The following PIBF1 variants were observed in gnomAD, a reference collection of about 807,000 sequenced individuals.
PIBF1 encodes progesterone immunomodulatory binding factor 1.
Under a neutral mutation model 112.5 loss-of-function variants are expected in PIBF1, and 90 were observed. That is an observed-to-expected ratio of 0.80 (90% CI 0.67 to 0.95). PIBF1 has a LOEUF of 0.95. Ranked by LOEUF, PIBF1 falls within the 40% of genes least tolerant of loss-of-function variation. PIBF1 has a pLI of 0.00. For synonymous variants in PIBF1, 301 were observed against 288.6 expected (o/e 1.04, Z -0.44); for missense variants, 915 against 852.3 (o/e 1.07, Z -0.92).
chr13:72,795,650 T>G, intron 4 of PIBF1, 93 bp downstream of exon 4: 1 of 758,188 alleles, frequency 1.3e-6, no homozygotes, highest in Non-Finnish European at 2.2e-6. Flanking sequence ...AAGTACCCAA[T>G]TGATACATTA....
At chr13:72,938,145 C>T (rs1246946940) in intron 14 of PIBF1, among the ~76,000 whole-genome samples, 2 of 152,200 alleles carry the variant, frequency 1.3e-5, no homozygotes, top group Non-Finnish European at 1.5e-5. Flanking sequence ...TGGAATAAGG[C>T]CAAATTAACT....
At chr13:72,971,122 A>C (rs1468818075) in intron 15 of PIBF1, among the ~76,000 whole-genome samples, 1 of 151,994 alleles carries the variant, frequency 6.6e-6, no homozygotes, top group Non-Finnish European at 1.5e-5. Context: ...TTACCTCGAC[A>C]TTCCATTCCG....
intron 14 of PIBF1, among the ~76,000 whole-genome samples, chr13:72,943,997 A>G (rs2042081230): frequency 6.6e-6 from 1 of 152,198 alleles, no homozygotes; most frequent in Admixed American, 6.6e-5. Context: ...ATCACTCGGT[A>G]AATGTAGGAT....
chr13:72,833,118 A>T (rs1164919740), intron 8 of PIBF1, among the ~76,000 whole-genome samples: 1 of 152,110 alleles, frequency 6.6e-6, no homozygotes, highest in East Asian at 1.9e-4. Flanking sequence ...CAGCTCCATC[A>T]GGTTATTTAT....
chr13:72,840,515 C>T (rs9634987), intron 9 of PIBF1, among the ~76,000 whole-genome samples: 41,595 of 150,920 alleles, frequency 0.28, 6,799 homozygotes, highest in East Asian at 0.48. Flanking sequence ...TTATCTCTCC[C>T]CCAATAAACT....
chr13:73,001,581 A>AATTTTTTTTTT (rs1491176240), intron 17 of PIBF1, among the ~76,000 whole-genome samples: 2 of 2,392 alleles, frequency 8.4e-4, no homozygotes, highest in Non-Finnish European at 2.4e-3. Flanking sequence ...TAAGAGCTTG[A>AATTTTTTTTTT]CTTTTTTTTT....
intron 9 of PIBF1, among the ~76,000 whole-genome samples, chr13:72,839,769 A>G (rs2037522693): frequency 6.6e-6 from 1 of 152,156 alleles, no homozygotes; most frequent in Non-Finnish European, 1.5e-5. Context: ...CCATTGTAAC[A>G]TAAATGTGGT....
At chr13:72,808,139 T>A (rs944265552) in intron 5 of PIBF1, among the ~76,000 whole-genome samples, 3 of 149,562 alleles carry the variant, frequency 2.0e-5, no homozygotes, top group African/African-American at 7.3e-5. Context: ...TATGGTTTTT[T>A]GTGTGGACAT....
intron 10 of PIBF1, among the ~76,000 whole-genome samples, chr13:72,889,617 G>A (rs368131261): frequency 2.0e-5 from 3 of 152,108 alleles, no homozygotes; most frequent in East Asian, 3.9e-4. Context: ...TTGTGACTTT[G>A]CTTAACTTCT....
intron 5 of PIBF1, among the ~76,000 whole-genome samples, chr13:72,815,865 A>G (rs562623980): frequency 8.6e-4 from 131 of 152,304 alleles, no homozygotes; most frequent in African/African-American, 2.9e-3. Context: ...TTCAAAAGGC[A>G]TGAGAATCCA....
intron 5 of PIBF1, among the ~76,000 whole-genome samples, chr13:72,815,721 A>C (rs1437965389): frequency 6.6e-6 from 1 of 152,172 alleles, no homozygotes; most frequent in Non-Finnish European, 1.5e-5. Flanking sequence ...GCTGGAGTGC[A>C]GTGGCATGAT....
chr13:72,965,491 A>G (rs1044725703), intron 15 of PIBF1, 87 bp downstream of exon 15: 5 of 1,069,378 alleles, frequency 4.7e-6, no homozygotes, highest in Non-Finnish European at 6.7e-6. Context: ...GTAAATCATG[A>G]ACAGAAAATT....
Position 72,835,353 on chromosome 13 carries a change from A to G in PIBF1, c.1208A>G (p.Tyr403Cys). Residue 403 changes from tyrosine (Y) to cysteine (C), a missense_variant, in exon 9 of 18, where the codon TAT (tyrosine) becomes TGT (cysteine). Physicochemically the swap from Tyr to Cys is radical, Grantham distance 194. Transcript: ENST00000326291. Reference sequence around the variant, plus strand: ...CTTCGAAATGCCTCTAGGGAAATGTATGAACGAGAAAACAGGTAAAAAAAA... The same window carrying G: ...CTTCGAAATGCCTCTAGGGAAATGTGTGAACGAGAAAACAGGTAAAAAAAA... Reference protein sequence around the residue: ...DQLRNASREMYERENRNLREA... With the variant: ...DQLRNASREMCERENRNLREA... 6.4e-7 allele frequency: 1 copy of G among 1,571,582 alleles called. No homozygotes were observed. Among genetic ancestry groups the G allele is most frequent in the Non-Finnish European group, 8.6e-7 (1 of 1,165,072 alleles).
chr13:72,975,119 G>A (rs1185357589), intron 16 of PIBF1, among the ~76,000 whole-genome samples: 1 of 148,244 alleles, frequency 6.7e-6, no homozygotes, highest in Non-Finnish European at 1.5e-5. Flanking sequence ...GCAGTGGCAT[G>A]ATCTCGGCTC....
chr13:72,962,852 G>A (rs2042642025), intron 14 of PIBF1, among the ~76,000 whole-genome samples: 1 of 152,184 alleles, frequency 6.6e-6, no homozygotes. Context: ...AAACAAAGTT[G>A]TAGGGCTCAG....
intron 17 of PIBF1, among the ~76,000 whole-genome samples, chr13:72,999,652 T>G (rs1343758676): frequency 6.6e-6 from 1 of 152,238 alleles, no homozygotes; most frequent in African/African-American, 2.4e-5. Context: ...ACTTCTGATC[T>G]CAGTCATTTT....
At chr13:72,883,668 A>T (rs552006001) in intron 10 of PIBF1, among the ~76,000 whole-genome samples, 2 of 152,112 alleles carry the variant, frequency 1.3e-5, no homozygotes, top group African/African-American at 4.8e-5. Flanking sequence ...TTCTATTCTT[A>T]GTAGAGAGGG....
At chr13:72,966,307 C>T (rs1033469490) in intron 15 of PIBF1, among the ~76,000 whole-genome samples, 1 of 152,056 alleles carries the variant, frequency 6.6e-6, no homozygotes, top group African/African-American at 2.4e-5. Context: ...TTCATTTCTA[C>T]CCCACCAAAA....
intron 14 of PIBF1, among the ~76,000 whole-genome samples, chr13:72,954,590 C>T (rs2138868062): frequency 6.6e-6 from 1 of 152,336 alleles, no homozygotes; most frequent in East Asian, 1.9e-4. Flanking sequence ...TCCACGCTCA[C>T]TAAATTGGCT....
Sources: gnomAD v4.1 joint callset for allele counts (sites outside exome capture counted in the v4.1 genomes callset) on GRCh38, gnomAD v4.1.1 for gene constraint, MANE v1.5 for transcripts, NCBI Gene and HGNC (gene_info 2026-07-23, HGNC 2026-07-21) for gene names.